The following CEP290 variants were observed in gnomAD, a reference collection of about 807,000 sequenced individuals.
The protein encoded by CEP290 is centrosomal protein of 290 kDa.
CEP290 carries 317 observed loss-of-function variants against 344.9 expected under a neutral mutation model. The observed-to-expected ratio is 0.92, with a 90% CI of 0.84 to 1.01. The LOEUF is 1.01. Among genes scored for constraint, CEP290 ranks in the 50% least tolerant of loss-of-function variants. The pLI is 0.00. For synonymous variants in CEP290, 932 were observed against 895.8 expected (o/e 1.04, Z -0.72); for missense variants, 2,754 against 2,761.4 (o/e 1.00, Z 0.06).
intron 20 of CEP290, among the ~76,000 whole-genome samples, chr12:88,113,375 A>C (rs1203324115): frequency 6.6e-6 from 1 of 152,094 alleles, no homozygotes; most frequent in African/African-American, 2.4e-5. Flanking sequence ...CAAAATCACC[A>C]ATCAGAGAAG....
intron 18 of CEP290, chr12:88,115,445 A>G (rs1415212879): frequency 7.9e-7 from 1 of 1,264,882 alleles, no homozygotes; most frequent in Non-Finnish European, 1.0e-6. Flanking sequence ...TAGTACCACA[A>G]TCATCTCTTT....
chr12:88,111,632 A>C, intron 21 of CEP290, 62 bp downstream of exon 21: 1 of 1,382,832 alleles, frequency 7.2e-7, no homozygotes, highest in Non-Finnish European at 9.7e-7. Flanking sequence ...AAAAATTAAA[A>C]ATTTCCTATT....
intron 53 of CEP290, 125 bp from the exon 54 acceptor site, chr12:88,049,539 G>A (rs1043946724): frequency 9.7e-6 from 6 of 621,380 alleles, no homozygotes; most frequent in Non-Finnish European, 1.7e-5. Context: ...CAGCAATAAA[G>A]GCAGAAGAAT....
chr12:88,130,084 G>A (rs2039973388), intron 9 of CEP290, among the ~76,000 whole-genome samples, 184 bp downstream of exon 9: 1 of 151,788 alleles, frequency 6.6e-6, no homozygotes, highest in Non-Finnish European at 1.5e-5. Context: ...GACCAAGACA[G>A]GCAAATATAA....
intron 20 of CEP290, among the ~76,000 whole-genome samples, chr12:88,112,502 T>G (rs2038763464): frequency 6.6e-6 from 1 of 152,084 alleles, no homozygotes. Flanking sequence ...ATTAAAATAT[T>G]ATCAGAGTGG....
At chr12:88,099,994 A>C (rs774532183) in intron 26 of CEP290, among the ~76,000 whole-genome samples, 5 of 151,990 alleles carry the variant, frequency 3.3e-5, no homozygotes, top group Non-Finnish European at 7.4e-5. Context: ...AAAAAAAAAA[A>C]ACAGGCTGGG....
At chr12:88,053,209 G>A (rs532359217) in intron 52 of CEP290, among the ~76,000 whole-genome samples, 16 of 152,050 alleles carry the variant, frequency 1.1e-4, no homozygotes, top group Non-Finnish European at 1.9e-4. Flanking sequence ...GGAATGATTA[G>A]TAATCACTTT....
chr12:88,129,575 A>G (rs1478885004), intron 10 of CEP290, 119 bp downstream of exon 10: 1 of 590,952 alleles, frequency 1.7e-6, no homozygotes, highest in East Asian at 3.3e-5. Context: ...AAGATATTAC[A>G]CTATTAAAAA....
At position 88,082,889 on chromosome 12, in the gene CEP290, T is replaced by C. The variant is rs78015808; in HGVS notation, c.5012+142A>G. On this transcript the variant is annotated intron_variant, in intron 37 of 53. Transcript: ENST00000552810. ...TTAAAATGGGGAAAATGATAACATA[T>C]GTAACCAGCAGTCCTGAGGATAAAA... 18,887 of 539,946 alleles carry C rather than the reference T, an allele frequency of 0.035. 479 individuals are homozygous for C. The highest frequency in any genetic ancestry group is 0.054 in the Middle Eastern group (113 of 2,100). 33.4% of individuals were successfully genotyped at this position (539,946 alleles called of 1,614,324 possible).
chr12:88,062,255 T>C (rs1305060937), intron 46 of CEP290, among the ~76,000 whole-genome samples: 2 of 152,056 alleles, frequency 1.3e-5, no homozygotes, highest in African/African-American at 2.4e-5. Context: ...TTATTCATTA[T>C]ATAAAATGAA....
intron 13 of CEP290, among the ~76,000 whole-genome samples, chr12:88,122,993 A>G (rs2039503317): frequency 1.3e-5 from 2 of 152,228 alleles, no homozygotes; most frequent in South Asian, 4.1e-4. Context: ...CAACCAGTTT[A>G]GAACTTCCAC....
chr12:88,099,679 C>T (rs922397146), intron 26 of CEP290, among the ~76,000 whole-genome samples: 9 of 151,816 alleles, frequency 5.9e-5, no homozygotes, highest in South Asian at 2.1e-4. Flanking sequence ...TAAATAAGCA[C>T]GATAAGGTAA....
At chr12:88,114,961 C>A in intron 19 of CEP290, 137 bp downstream of exon 19, 1 of 508,298 alleles carries the variant, frequency 2.0e-6, no homozygotes, top group Non-Finnish European at 3.5e-6. Flanking sequence ...TAGTGACAGA[C>A]TGAAGTATAT....
chr12:88,139,237 CACAAA>C (rs1257255031), intron 4 of CEP290, 46 bp from the exon 5 acceptor site: 11 of 761,410 alleles, frequency 1.4e-5, no homozygotes, highest in South Asian at 4.5e-5. Context: ...GATTAGTTAC[CACAAA>C]ACAAACTTTT....
chr12:88,050,396 C>G lies in CEP290; in HGVS notation c.7167G>C (p.Glu2389Asp), dbSNP rs2033381910. 6.4e-7 allele frequency: 1 copy of G among 1,563,558 alleles called. No individual in the cohort carries two copies. Among genetic ancestry groups the G allele is most frequent in the African/African-American group, 1.4e-5 (1 of 73,298 alleles). ...CTAGATCTGACATTTTGAGCTGTGT[C>G]TCTAGATCTTTTATTTTTTCCTTTA... ...DQLKEKIKDL[E>D]TQLKMSDLEK... The change falls in exon 53 of 54, where the codon GAG becomes GAC. Residue 2389 changes from glutamate to aspartate, a missense_variant. Transcript: ENST00000552810.
At chr12:88,058,685 C>T (rs1210519999) in intron 49 of CEP290, 163 bp downstream of exon 49, 1 of 717,652 alleles carries the variant, frequency 1.4e-6, no homozygotes, top group Non-Finnish European at 2.3e-6. Flanking sequence ...AAGAAAAAGT[C>T]TCCAACAATA....
intron 29 of CEP290, among the ~76,000 whole-genome samples, chr12:88,091,765 TTA>T (rs10617067): frequency 0.049 from 7,505 of 152,230 alleles, 628 homozygotes; most frequent in African/African-American, 0.17. Flanking sequence ...GGTTATATTT[TTA>T]TGAGTAGGCC....
rs1164262730 is a variant in CEP290 at position 88,059,905 on chromosome 12, A to C, written c.6638T>G (p.Leu2213Arg). 1 of 1,583,262 alleles carries C rather than the reference A, an allele frequency of 6.3e-7. No individual in the cohort carries two copies. The change falls in exon 48 of 54, where the codon CTT becomes CGT. Residue 2213 changes from leucine to arginine, a missense_variant. Physicochemically the swap from Leu to Arg is moderately radical, Grantham distance 102 (BLOSUM62 -2). Transcript: ENST00000552810. ...CAGTCATAAAAGTCATACTTTTTTA[A>C]GTTCTTTACGAAGCCTTTCATTTTC... ...IAENERLRKE[L>R]KKETDAAEKL... is the part of the protein sequence containing the mutation.
intron 41 of CEP290, among the ~76,000 whole-genome samples, chr12:88,074,019 G>A (rs2035577819): frequency 1.3e-5 from 2 of 152,228 alleles, no homozygotes; most frequent in Middle Eastern, 3.4e-3. Flanking sequence ...GAGGTCAGGA[G>A]TTTGAGACTA....
Sources: gnomAD v4.1 joint callset for allele counts (sites outside exome capture counted in the v4.1 genomes callset) on GRCh38, gnomAD v4.1.1 for gene constraint, MANE v1.5 for transcripts, NCBI Gene and HGNC (gene_info 2026-07-23, HGNC 2026-07-21) for gene names.